Variants in MICU2 observed in about 807,000 individuals in gnomAD.
MICU2 encodes mitochondrial calcium uptake 2.
A neutral mutation model predicts 60.4 loss-of-function variants in MICU2; 64 were observed. The observed-to-expected ratio is 1.06, with a 90% CI of 0.87 to 1.31. The LOEUF (loss-of-function observed/expected upper bound fraction) is 1.31, where lower values mean the gene tolerates loss of function less well. MICU2 is among the 50% of genes most tolerant of loss of function. MICU2 has a pLI of 0.00. For synonymous variants in MICU2, 201 were observed against 175.0 expected (o/e 1.15, Z -1.17); for missense variants, 569 against 531.0 (o/e 1.07, Z -0.70).
intron 9 of MICU2, chr13:21,496,449 T>C (rs1182030350): frequency 9.2e-6 from 3 of 325,104 alleles, no homozygotes; most frequent in African/African-American, 6.5e-5. Flanking sequence ...AATAAATTTA[T>C]TGTTTAAGCT....
chr13:21,528,235 T>C (rs1331037593), intron 4 of MICU2, among the ~76,000 whole-genome samples: 1 of 152,222 alleles, frequency 6.6e-6, no homozygotes. Flanking sequence ...TGATAGTTCT[T>C]ATATGTGGTA....
chr13:21,543,983 A>G lies in MICU2; in HGVS notation c.359-4295T>C, dbSNP rs183761027. On this transcript the variant is annotated intron_variant, in intron 2 of 11. Coordinates refer to ENST00000382374, the MANE Select transcript of MICU2 (RefSeq NM_152726.3). ...TAAAAACAGAAACACAGACCAACAG[A>G]ACAGAGAACCTAGAAATACATCCAT... Among the ~76,000 whole-genome samples, 321 of 152,252 alleles carry G rather than the reference A, an allele frequency of 2.1e-3. 1 individual carries two copies. Among genetic ancestry groups the G allele is most frequent in the African/African-American group, 7.5e-3 (311 of 41,534 alleles).
intron 1 of MICU2, among the ~76,000 whole-genome samples, chr13:21,568,801 C>G (rs1307560006): frequency 1.3e-5 from 2 of 151,940 alleles, no homozygotes; most frequent in Non-Finnish European, 2.9e-5. Flanking sequence ...TAACCTCCCA[C>G]TCTCTTACAG....
chr13:21,578,560 G>A (rs1276794819), intron 1 of MICU2, among the ~76,000 whole-genome samples: 1 of 151,980 alleles, frequency 6.6e-6, no homozygotes, highest in Non-Finnish European at 1.5e-5. Flanking sequence ...TTGCGCCACT[G>A]GACTCCAGTC....
At chr13:21,494,085 T>C (rs1265148624) in intron 11 of MICU2, among the ~76,000 whole-genome samples, 1 of 152,192 alleles carries the variant, frequency 6.6e-6, no homozygotes, top group Non-Finnish European at 1.5e-5. Flanking sequence ...GTACACTCAA[T>C]TGTGAACTGA....
chr13:21,510,664 G>C (rs1227366874), intron 7 of MICU2, among the ~76,000 whole-genome samples: 3 of 151,936 alleles, frequency 2.0e-5, no homozygotes, highest in African/African-American at 7.3e-5. Context: ...AACAAAAGGG[G>C]GTATAAGTTT....
chr13:21,515,667 A>C (rs927366495), intron 6 of MICU2: 3 of 294,476 alleles, frequency 1.0e-5, no homozygotes, highest in African/African-American at 6.6e-5. Flanking sequence ...ACCTCTATCC[A>C]TTTTTTTCTG....
In MICU2 at chr13:21,492,795, G is replaced by A. The variant is rs1044069; in HGVS notation, c.*454C>T. On this transcript the variant is annotated 3_prime_UTR_variant, in exon 12 of 12. Coordinates refer to ENST00000382374, the MANE Select transcript of MICU2 (RefSeq NM_152726.3). ...CAGCTAAGCTACTGACATAAAATAT[G>A]CAATAAATTTATGAGATATAAGGTA... The A allele has an allele frequency of 0.24, 37,274 of 152,254 alleles. 5,359 individuals carry two copies. Among genetic ancestry groups the A allele is most frequent in the East Asian group, 0.62 (3,304 of 5,328 alleles). The allele number at this position is 152,254 out of a possible 1,614,324, so 9.4% of individuals were successfully genotyped here.
chr13:21,572,253 G>A lies in MICU2; in HGVS notation c.211-5309C>T, dbSNP rs191604594. Among the ~76,000 whole-genome samples, 10 of 152,364 alleles carry A rather than the reference G, an allele frequency of 6.6e-5. No homozygotes were observed. The East Asian group carries it at 1.4e-3, about 21-fold the overall frequency. On this transcript the variant is annotated intron_variant, in intron 1 of 11. Coordinates refer to ENST00000382374, the MANE Select transcript of MICU2 (RefSeq NM_152726.3). ...TTGAGGTTTATTAAGCCAGCTGTAC[G>A]CTGTGTCCGGGAAAAACATAAGCTA... is the stretch of plus-strand genomic sequence containing the variant.
chr13:21,503,797 C>G (rs963156326), intron 8 of MICU2, among the ~76,000 whole-genome samples: 1 of 152,158 alleles, frequency 6.6e-6, no homozygotes, highest in Non-Finnish European at 1.5e-5. Context: ...TAACCTAAAT[C>G]ATGTGAAAAG....
chr13:21,529,321 G>C (rs1324338589), intron 4 of MICU2, among the ~76,000 whole-genome samples: 4 of 152,176 alleles, frequency 2.6e-5, no homozygotes, highest in Non-Finnish European at 5.9e-5. Context: ...TGTTGGTTTA[G>C]GGGGAAGACG....
intron 1 of MICU2, among the ~76,000 whole-genome samples, chr13:21,571,162 A>G (rs1279247904): frequency 6.6e-6 from 1 of 151,856 alleles, no homozygotes; most frequent in African/African-American, 2.4e-5. Flanking sequence ...GTACTCATTT[A>G]CTTTAATCTC....
At chr13:21,506,981 AAAT>A (rs1275828182) in intron 8 of MICU2, among the ~76,000 whole-genome samples, 1 of 152,240 alleles carries the variant, frequency 6.6e-6, no homozygotes, top group African/African-American at 2.4e-5. Context: ...AAGCTTTTGA[AAAT>A]ATTATTAGAA....
chr13:21,496,193 T>G lies in MICU2; in HGVS notation c.934-33A>C, dbSNP rs537908359. 4 of 1,450,894 alleles carry G rather than the reference T, an allele frequency of 2.8e-6. No individual in the cohort carries two copies. In the South Asian group the frequency reaches 4.7e-5, roughly 17 times the overall value. 89.9% of individuals were successfully genotyped at this position (1,450,894 alleles called of 1,614,324 possible). A position where few individuals can be genotyped will look rare whatever the true frequency, so the allele number is the denominator to read the frequency against. ...AGTAAGAGTTTTTATTACAATTTTGTAAGTACATTAAATAATCTTATAAAT... is the reference window on the plus strand; with the variant it reads ...AGTAAGAGTTTTTATTACAATTTTGGAAGTACATTAAATAATCTTATAAAT... On this transcript the variant is annotated intron_variant, in intron 9 of 11. Transcript: ENST00000382374.
rs1258563546 is a variant in MICU2, at chr13:21,604,163, A to C, written c.-15T>G. 1.3e-5 allele frequency: 20 copies of C among 1,538,280 alleles called. No individual in the cohort carries two copies. The highest frequency in any genetic ancestry group is 1.7e-5 in the Non-Finnish European group (19 of 1,146,380). ...GCCGCCGCCATCTTTGCGGAAGCGC[A>C]GCTAGGCGGCGCTTCTCTCCCGGCG... On this transcript the variant is annotated 5_prime_UTR_variant, in exon 1 of 12. Transcript: ENST00000382374.
chr13:21,530,906 TA>T lies in MICU2; in HGVS notation c.467-8257del, dbSNP rs1472365708. ...AGCGACAGAGCAGAATGGGCTGATA[TA>T]GATCTAGTGCTGCAGAATGTTGGCC... is the stretch of plus-strand genomic sequence containing the variant. On this transcript the variant is annotated intron_variant, in intron 4 of 11. Transcript: ENST00000382374. The T allele has an allele frequency of 6.6e-6, 5 of 758,436 alleles. No homozygotes were observed. In the African/African-American group the frequency reaches 8.5e-5, roughly 13 times the overall value. 47.0% of individuals were successfully genotyped at this position (758,436 alleles called of 1,614,324 possible).
chr13:21,521,144 G>T, intron 6 of MICU2, 101 bp downstream of exon 6: 1 of 949,998 alleles, frequency 1.1e-6, no homozygotes, highest in Non-Finnish European at 1.6e-6. Flanking sequence ...TAGTTCATAT[G>T]TAAACAATGA....
chr13:21,500,434 T>G (rs7990069), intron 9 of MICU2, among the ~76,000 whole-genome samples: 72,740 of 126,708 alleles, frequency 0.57, 18,893 homozygotes, highest in Non-Finnish European at 0.67. Context: ...TTTTTTTTTT[T>G]TTTTTTTTTT....
At chr13:21,552,426 G>T (rs370579742) in intron 2 of MICU2, among the ~76,000 whole-genome samples, 36 of 152,086 alleles carry the variant, frequency 2.4e-4, no homozygotes, top group East Asian at 5.8e-4. Flanking sequence ...AGAAGCTCTT[G>T]AGTTTAATTA....
Sources: allele counts gnomAD v4.1 joint callset (sites outside exome capture counted in the v4.1 genomes callset), GRCh38; gene constraint gnomAD v4.1.1; transcripts MANE v1.5; gene names NCBI Gene and HGNC (gene_info 2026-07-23, HGNC 2026-07-21).